The following CPED1 variants were observed in gnomAD, a reference collection of about 807,000 sequenced individuals.
The protein encoded by CPED1 is cadherin-like and PC-esterase domain-containing protein 1.
A neutral mutation model predicts 128.2 loss-of-function variants in CPED1; 114 were observed. That is an observed-to-expected ratio of 0.89 (90% CI 0.76 to 1.04). The LOEUF (loss-of-function observed/expected upper bound fraction) is 1.04. Among genes scored for constraint, CPED1 ranks in the 50% least tolerant of loss-of-function variants. The probability of loss-of-function intolerance (pLI) is 0.00; values close to 1 mark genes in which losing one functional copy is unlikely to be tolerated. For missense variants in CPED1, 1,211 were observed against 1,207.1 expected (o/e 1.00, Z -0.05); for synonymous variants, 462 against 426.7 (o/e 1.08, Z -1.02).
chr7:121,247,456 A>T (rs1241668699), intron 18 of CPED1, among the ~76,000 whole-genome samples: 6 of 152,214 alleles, frequency 3.9e-5, no homozygotes, highest in Non-Finnish European at 7.3e-5. Context: ...GGTTTCAAGT[A>T]AACCAACATT....
chr7:121,020,824 C>T (rs1040108247), intron 3 of CPED1, among the ~76,000 whole-genome samples: 1 of 151,856 alleles, frequency 6.6e-6, no homozygotes, highest in Non-Finnish European at 1.5e-5. Context: ...TAACTTCCCA[C>T]ATGCTCAAAT....
chr7:121,025,113 G>A (rs1792542730), intron 3 of CPED1, among the ~76,000 whole-genome samples: 1 of 151,784 alleles, frequency 6.6e-6, no homozygotes, highest in African/African-American at 2.4e-5. Flanking sequence ...TTTTAGACTT[G>A]ATGTTTCCCA....
intron 22 of CPED1, among the ~76,000 whole-genome samples, chr7:121,278,236 C>T (rs1792367930): frequency 1.3e-5 from 2 of 151,942 alleles, no homozygotes; most frequent in African/African-American, 4.8e-5. Context: ...TAATCAATAC[C>T]AAGAGACAGA....
chr7:121,125,886 G>A lies in CPED1; in HGVS notation c.1128G>A (p.Val376=). ...IGYGSFMYPV[V]LQVHEHLNFQ... ...ATGGCAGTTTCATGTACCCTGTAGT[G>A]CTCCAGGTCAGTATGCCAAAGGCCT... The change falls in exon 9 of 23, where the codon GTG becomes GTA. Residue 376 remains valine, a synonymous_variant. Coordinates refer to ENST00000310396, the MANE Select transcript of CPED1 (RefSeq NM_024913.5). 2 of 1,610,378 alleles carry A rather than the reference G, an allele frequency of 1.2e-6. No individual in the cohort carries two copies. The highest frequency in any genetic ancestry group is 8.5e-7 in the Non-Finnish European group (1 of 1,176,818).
chr7:121,099,265 T>C (rs1420916875), intron 6 of CPED1, among the ~76,000 whole-genome samples: 1 of 152,162 alleles, frequency 6.6e-6, no homozygotes, highest in Non-Finnish European at 1.5e-5. Flanking sequence ...TGCAATGGTA[T>C]CATGCATCTG....
chr7:121,035,183 G>A (rs571436937), intron 3 of CPED1, among the ~76,000 whole-genome samples: 43 of 152,282 alleles, frequency 2.8e-4, no homozygotes, highest in African/African-American at 1.0e-3. Context: ...TAGAAGACTG[G>A]GTTGGAGTAG....
At chr7:121,155,105 C>G (rs1257683725) in intron 16 of CPED1, among the ~76,000 whole-genome samples, 1 of 152,042 alleles carries the variant, frequency 6.6e-6, no homozygotes, top group African/African-American at 2.4e-5. Flanking sequence ...ATCAAGGAGG[C>G]AACCCCATTT....
In CPED1 at chr7:121,271,273, T is replaced by A; in HGVS notation, c.2722-11T>A. 6.3e-7 allele frequency: 1 copy of A among 1,597,162 alleles called. No individual in the cohort carries two copies. Among genetic ancestry groups the A allele is most frequent in the Non-Finnish European group, 8.5e-7 (1 of 1,170,198 alleles). On this transcript the variant is annotated splice_polypyrimidine_tract_variant and intron_variant, in intron 21 of 22. Transcript: ENST00000310396. ...GTAATAAAAATTCTCATTCTTCTGC[T>A]TTCCAATCAGAGTGAAGTACAGAAC...
intron 16 of CPED1, among the ~76,000 whole-genome samples, chr7:121,210,552 G>A (rs925686589): frequency 4.6e-5 from 7 of 151,992 alleles, no homozygotes; most frequent in South Asian, 2.1e-4. Context: ...GATAAACCAA[G>A]CACAGAAAGA....
intron 4 of CPED1, among the ~76,000 whole-genome samples, chr7:121,047,721 T>TCTTCTTCTTCTTCTTC (rs1793250431): frequency 8.6e-6 from 1 of 116,496 alleles, no homozygotes; most frequent in South Asian, 2.6e-4. Context: ...TCTTCTTTTT[T>TCTTCTTCTTCTTCTTC]TTTTTTTGAG....
intron 8 of CPED1, among the ~76,000 whole-genome samples, chr7:121,124,889 T>C (rs1266848986): frequency 1.3e-5 from 2 of 152,188 alleles, no homozygotes; most frequent in African/African-American, 4.8e-5. Flanking sequence ...GAAAATTCAA[T>C]AACTCCTATT....
chr7:121,266,153 T>G lies in CPED1; in HGVS notation c.2311-74T>G, dbSNP rs798920. 0.015 allele frequency: 17,666 copies of G among 1,175,032 alleles called. 1,796 individuals are homozygous for G. In the African/African-American group the frequency reaches 0.23, roughly 15 times the overall value. 72.8% of individuals were successfully genotyped at this position (1,175,032 alleles called of 1,614,324 possible). ...AGGTAGTAGTGTGAATATTCAAAAT[T>G]TCATTATTTTAAACTATCTCCTGTA... On this transcript the variant is annotated intron_variant, in intron 18 of 22. Transcript: ENST00000310396.
At chr7:121,275,254 A>C (rs192996644) in intron 22 of CPED1, among the ~76,000 whole-genome samples, 3 of 152,164 alleles carry the variant, frequency 2.0e-5, no homozygotes, top group Non-Finnish European at 4.4e-5. Context: ...CAAGGCACCA[A>C]AAGAGAATAT....
intron 5 of CPED1, among the ~76,000 whole-genome samples, chr7:121,079,043 A>G (rs1491001009): frequency 6.6e-6 from 1 of 152,176 alleles, no homozygotes; most frequent in East Asian, 1.9e-4. Context: ...CCCTCAGGAC[A>G]TCAGCCATAT....
At position 121,245,079 on chromosome 7, in the gene CPED1, G is replaced by T. The variant is rs150069171; in HGVS notation, c.2310+741G>T. 5.4e-3 allele frequency among the ~76,000 whole-genome samples: 817 copies of T among 152,198 alleles called. 7 individuals are homozygous for T. The highest frequency in any genetic ancestry group is 0.018 in the African/African-American group (754 of 41,536). On this transcript the variant is annotated intron_variant, in intron 18 of 22. Coordinates refer to ENST00000310396, the MANE Select transcript of CPED1 (RefSeq NM_024913.5). ...GGACATTTCCTTATACAGTTTGTAA[G>T]CTCTCACACATGAGCAAGACTGATT...
chr7:121,289,077 A>G (rs1349820330), intron 22 of CPED1, among the ~76,000 whole-genome samples: 1 of 152,034 alleles, frequency 6.6e-6, no homozygotes, highest in Non-Finnish European at 1.5e-5. Context: ...GAAAATTTTG[A>G]CCCTGGGACC....
chr7:121,209,152 G>A (rs1207917851), intron 16 of CPED1, among the ~76,000 whole-genome samples: 1 of 151,842 alleles, frequency 6.6e-6, no homozygotes, highest in Non-Finnish European at 1.5e-5. Context: ...ATAGCTCTGT[G>A]GTATTTTCTT....
intron 22 of CPED1, among the ~76,000 whole-genome samples, chr7:121,276,791 T>C (rs952716190): frequency 1.3e-5 from 2 of 152,088 alleles, no homozygotes; most frequent in African/African-American, 4.8e-5. Context: ...TCACAGGCAA[T>C]CCTGTATATA....
At chr7:121,143,785 A>C (rs10275938) in intron 16 of CPED1, among the ~76,000 whole-genome samples, 1 of 151,672 alleles carries the variant, frequency 6.6e-6, no homozygotes, top group Non-Finnish European at 1.5e-5. Context: ...AATATGTATA[A>C]ATGATTCAGC....
Sources: allele counts gnomAD v4.1 joint callset (sites outside exome capture counted in the v4.1 genomes callset), GRCh38; gene constraint gnomAD v4.1.1; transcripts MANE v1.5; gene names NCBI Gene and HGNC (gene_info 2026-07-23, HGNC 2026-07-21).